TENM3: variants seen among roughly 807,000 people sequenced by gnomAD.
TENM3 encodes the protein teneurin-3.
Under a neutral mutation model 255.1 loss-of-function variants are expected in TENM3, and 63 were observed. The ratio of observed to expected loss-of-function variants is 0.25; its 90% CI spans 0.20 to 0.30. The LOEUF (loss-of-function observed/expected upper bound fraction) is 0.30, where lower values mean the gene tolerates loss of function less well. TENM3 is among the 10% of genes least tolerant of loss of function. TENM3 has a pLI of 1.00. For missense variants in TENM3, 2,929 were observed against 3,461.1 expected, an observed-to-expected ratio of 0.85 and a Z score of 3.86; for synonymous variants, 1,306 against 1,322.3, an observed-to-expected ratio of 0.99 and a Z score of 0.27.
chr4:181,493,065 T>A, the TENM3 span, among the ~76,000 whole-genome samples: 2 of 152,026 alleles, frequency 1.3e-5, no homozygotes, highest in Non-Finnish European at 2.9e-5. Flanking sequence ...AGGGAGGTTT[T>A]GGCACCAGGG....
Position 182,793,791 on chromosome 4 carries a change from A to C in TENM3, c.7119A>C (p.Lys2373Asn). Residue 2373 changes from lysine to asparagine, a missense_variant, in exon 26 of 28, where the codon AAA becomes AAC. Physicochemically the swap from Lys to Asn is moderately conservative, Grantham distance 94. Coordinates refer to ENST00000511685, the MANE Select transcript of TENM3 (RefSeq NM_001080477.4). This position sits in a 1 kb window ranked among gnomAD's most constrained non-coding sequence, Gnocchi z 5.7. Reference sequence around the variant, plus strand: ...CAACACCTGACATAGAAATCTGGAAAAGAATTGGGAAGGACCCAGCTCCTT... The same window carrying C: ...CAACACCTGACATAGAAATCTGGAACAGAATTGGGAAGGACCCAGCTCCTT... ...RWTTPDIEIW[K>N]RIGKDPAPFN... The C allele has an allele frequency of 6.2e-7, 1 of 1,613,994 alleles. No homozygotes were observed. Among genetic ancestry groups the C allele is most frequent in the East Asian group, 2.2e-5 (1 of 44,884 alleles).
chr4:181,460,314 ATGGAGAAAATAGACGACC>A, the TENM3 span, among the ~76,000 whole-genome samples: 1 of 151,974 alleles, frequency 6.6e-6, no homozygotes, highest in Non-Finnish European at 1.5e-5. Context: ...ATGAGTAGAA[ATGGAGAAAATAGACGACC>A]TGCCTTATTA....
the TENM3 span, among the ~76,000 whole-genome samples, chr4:181,605,563 A>AG: frequency 3.3e-4 from 10 of 30,508 alleles, 2 homozygotes; most frequent in African/African-American, 6.7e-4. Flanking sequence ...AGAAAGAAAG[A>AG]AAGAAAGAGA....
intron 1 of TENM3, among the ~76,000 whole-genome samples, chr4:182,145,860 A>G (rs1201283669): frequency 1.3e-5 from 2 of 152,236 alleles, no homozygotes; most frequent in East Asian, 1.9e-4. Flanking sequence ...AGACTCTGGC[A>G]GAATCCACTG....
the TENM3 span, among the ~76,000 whole-genome samples, chr4:181,576,167 A>G: frequency 6.6e-6 from 1 of 152,180 alleles, no homozygotes; most frequent in Admixed American, 6.5e-5. Context: ...ATATGTACAC[A>G]TTAATGAGCT....
At chr4:181,839,279 A>G in the TENM3 span, among the ~76,000 whole-genome samples, 5 of 146,442 alleles carry the variant, frequency 3.4e-5, no homozygotes, top group East Asian at 1.0e-3. Flanking sequence ...TCCCAGACTT[A>G]TAGTTGTTAG....
intron 12 of TENM3, among the ~76,000 whole-genome samples, chr4:182,699,082 A>T (rs2152630230): frequency 6.6e-6 from 1 of 152,364 alleles, no homozygotes; most frequent in Admixed American, 6.5e-5. Context: ...GGGTCATATG[A>T]TAAATGAATT....
At chr4:181,747,208 G>A in the TENM3 span, among the ~76,000 whole-genome samples, 2 of 152,028 alleles carry the variant, frequency 1.3e-5, no homozygotes, top group African/African-American at 4.8e-5. Flanking sequence ...TTTTTACCAA[G>A]TTAATAGAAG....
At chr4:181,908,977 A>T in the TENM3 span, among the ~76,000 whole-genome samples, 1 of 152,210 alleles carries the variant, frequency 6.6e-6, no homozygotes, top group Admixed American at 6.5e-5. Context: ...ATTTGAACAT[A>T]ACATTTATAG....
intron 3 of TENM3, among the ~76,000 whole-genome samples, chr4:182,594,550 T>A (rs1249083830): frequency 6.6e-6 from 1 of 152,094 alleles, no homozygotes; most frequent in East Asian, 1.9e-4. Context: ...GTGAACACAT[T>A]TCCTCTCCAG....
chr4:182,181,070 T>A (rs1398884409), intron 1 of TENM3, among the ~76,000 whole-genome samples: 4 of 152,124 alleles, frequency 2.6e-5, no homozygotes, highest in African/African-American at 9.7e-5. Context: ...TTTTCTTATC[T>A]ACATGGACAT....
intron 2 of TENM3, among the ~76,000 whole-genome samples, chr4:182,326,530 T>C (rs28548704): frequency 0.29 from 43,695 of 151,688 alleles, 6,470 homozygotes; most frequent in East Asian, 0.35. Flanking sequence ...AAGTCTATTA[T>C]CATTATTATT....
chr4:181,627,910 G>A, the TENM3 span, among the ~76,000 whole-genome samples: 3 of 152,142 alleles, frequency 2.0e-5, no homozygotes, highest in Non-Finnish European at 4.4e-5. Flanking sequence ...AGGAATCCCT[G>A]CACTGTCTTC....
chr4:181,449,612 C>T, the TENM3 span, among the ~76,000 whole-genome samples: 1 of 151,932 alleles, frequency 6.6e-6, no homozygotes, highest in Non-Finnish European at 1.5e-5. Flanking sequence ...AGTGAAACCC[C>T]ATCTCTACTA....
chr4:182,012,507 A>G, the TENM3 span, among the ~76,000 whole-genome samples: 1 of 152,202 alleles, frequency 6.6e-6, no homozygotes, highest in Non-Finnish European at 1.5e-5. Context: ...CATGGATACC[A>G]GGCATGGCCT....
the TENM3 span, among the ~76,000 whole-genome samples, chr4:182,071,491 G>T: frequency 7.3e-6 from 1 of 136,196 alleles, no homozygotes; most frequent in African/African-American, 2.8e-5. Context: ...ATTCGCCCAT[G>T]CTGGAGTGCA....
chr4:182,464,712 C>G (rs1037464029), intron 3 of TENM3, among the ~76,000 whole-genome samples: 1 of 152,024 alleles, frequency 6.6e-6, no homozygotes, highest in African/African-American at 2.4e-5. Context: ...GCTTTTCATG[C>G]TATGGAAAGA....
the TENM3 span, among the ~76,000 whole-genome samples, chr4:181,765,109 T>A: frequency 1.3e-5 from 2 of 152,230 alleles, no homozygotes; most frequent in Non-Finnish European, 2.9e-5. Context: ...TATTTTTCAT[T>A]TTTCCTACAC....
chr4:182,062,303 C>A, the TENM3 span, among the ~76,000 whole-genome samples: 1 of 152,160 alleles, frequency 6.6e-6, no homozygotes, highest in African/African-American at 2.4e-5. Flanking sequence ...GACACCTTTA[C>A]AATTGTGTAT....
Sources: gnomAD v4.1 joint callset for allele counts (sites outside exome capture counted in the v4.1 genomes callset) on GRCh38, gnomAD v4.1.1 for gene constraint, Gnocchi (gnomAD v3.1) non-coding constraint, MANE v1.5 for transcripts, NCBI Gene and HGNC (gene_info 2026-07-23, HGNC 2026-07-21) for gene names.